The following MEGF11 variants were observed in gnomAD, a reference collection of about 807,000 sequenced individuals.
MEGF11 encodes multiple EGF like domains 11.
A neutral mutation model predicts 146.6 loss-of-function variants in MEGF11; 126 were observed. The observed-to-expected ratio is 0.86, with a 90% confidence interval of 0.74 to 1.00. The LOEUF (loss-of-function observed/expected upper bound fraction) is 1.00. Ranked by LOEUF, MEGF11 falls within the 50% of genes least tolerant of loss-of-function variation. The pLI is 0.00. For missense variants in MEGF11, 1,509 were observed against 1,521.2 expected (o/e 0.99, Z 0.13); for synonymous variants, 532 against 583.4 (o/e 0.91, Z 1.27).
chr15:66,088,379 G>A (rs1678826094), intron 5 of MEGF11, among the ~76,000 whole-genome samples: 1 of 152,254 alleles, frequency 6.6e-6, no homozygotes, highest in Non-Finnish European at 1.5e-5. Context: ...TGAGGGGGCT[G>A]GGCGCAATGG....
At chr15:65,983,081 C>T (rs1437908304) in intron 5 of MEGF11, among the ~76,000 whole-genome samples, 1 of 152,216 alleles carries the variant, frequency 6.6e-6, no homozygotes, top group Non-Finnish European at 1.5e-5. Context: ...TGCCCCTCCC[C>T]TGGCTCCATC....
chr15:66,252,574 A>G (rs2092390531), intron 1 of MEGF11, among the ~76,000 whole-genome samples: 1 of 152,116 alleles, frequency 6.6e-6, no homozygotes. Context: ...GTCCGGGAGA[A>G]GCCGCCCGGG....
At chr15:66,141,233 G>T (rs890809366) in intron 1 of MEGF11, among the ~76,000 whole-genome samples, 3 of 97,274 alleles carry the variant, frequency 3.1e-5, no homozygotes, top group African/African-American at 7.8e-5. Flanking sequence ...CAGACTCAGG[G>T]GTGTGTGTGT....
At position 66,036,199 on chromosome 15, in the gene MEGF11, G is replaced by A. The variant is rs115444580; in HGVS notation, c.395-53711C>T. ...TTCAGAGGCCATTTCTCAAGTCCACGCTGCATGATTCTTCGGAGGGACTCC... is the reference window on the plus strand; with the variant it reads ...TTCAGAGGCCATTTCTCAAGTCCACACTGCATGATTCTTCGGAGGGACTCC... On this transcript the variant is annotated intron_variant, in intron 5 of 25. Transcript: ENST00000395614. Among the ~76,000 whole-genome samples, 1,213 of 152,294 alleles carry A rather than the reference G, an allele frequency of 8.0e-3. 15 individuals carry two copies. Among genetic ancestry groups the A allele is most frequent in the African/African-American group, 0.028 (1,145 of 41,560 alleles).
intron 5 of MEGF11, among the ~76,000 whole-genome samples, chr15:66,000,552 G>T (rs1350332076): frequency 6.6e-6 from 1 of 151,008 alleles, no homozygotes; most frequent in Non-Finnish European, 1.5e-5. Context: ...AAAAGCAAAA[G>T]CACCAGCTTC....
rs372736228 is a variant in MEGF11, at chr15:65,924,336, C to T, written c.1676-1367G>A. Among the ~76,000 whole-genome samples the T allele has an allele frequency of 4.6e-5, 4 of 87,248 alleles. No individual in the cohort carries two copies. The East Asian group carries it at 1.1e-3, about 24-fold the overall frequency. 57.2% of individuals were successfully genotyped at this position (87,248 alleles called of 152,430 possible). On this transcript the variant is annotated intron_variant, in intron 13 of 25. Coordinates refer to ENST00000395614, the MANE Select transcript of MEGF11 (RefSeq NM_001385028.1). ...GGGTAGAGGCTTCAGATGCCACTCTCTGGGAAATGGTTGCGGGTGGGTAGG... is the reference window on the plus strand; with the variant it reads ...GGGTAGAGGCTTCAGATGCCACTCTTTGGGAAATGGTTGCGGGTGGGTAGG...
chr15:65,899,082 G>T, intron 24 of MEGF11, 148 bp from the exon 25 acceptor site: 1 of 717,038 alleles, frequency 1.4e-6, no homozygotes, highest in Non-Finnish European at 2.2e-6. Context: ...CTTATTAAAT[G>T]TGCTGAGAAG....
chr15:66,171,702 C>T (rs2090261318), intron 1 of MEGF11, among the ~76,000 whole-genome samples: 1 of 151,808 alleles, frequency 6.6e-6, no homozygotes, highest in Non-Finnish European at 1.5e-5. Context: ...CCACGCAACG[C>T]TCCCTCCTGT....
chr15:66,108,821 T>G (rs975109379), intron 4 of MEGF11, among the ~76,000 whole-genome samples: 3 of 152,162 alleles, frequency 2.0e-5, no homozygotes, highest in Admixed American at 6.5e-5. Context: ...AGGGGGCCAT[T>G]GGCAAGTTCC....
At chr15:66,138,044 G>A (rs1006365280) in intron 1 of MEGF11, among the ~76,000 whole-genome samples, 4 of 152,078 alleles carry the variant, frequency 2.6e-5, no homozygotes, top group African/African-American at 4.8e-5. Flanking sequence ...ACCTGCGTGA[G>A]ATGGCAAGAT....
chr15:66,133,839 G>A (rs1320946251), intron 1 of MEGF11, among the ~76,000 whole-genome samples: 1 of 152,172 alleles, frequency 6.6e-6, no homozygotes, highest in Non-Finnish European at 1.5e-5. Context: ...CTCCTAAAGA[G>A]TGATTCCCTG....
chr15:66,031,110 C>T (rs1226959443), intron 5 of MEGF11, among the ~76,000 whole-genome samples: 1 of 152,184 alleles, frequency 6.6e-6, no homozygotes, highest in Non-Finnish European at 1.5e-5. Flanking sequence ...TCTGAAGCAT[C>T]AGGACCAAAT....
chr15:65,988,304 G>T (rs76801106), intron 5 of MEGF11, among the ~76,000 whole-genome samples: 7,203 of 152,122 alleles, frequency 0.047, 277 homozygotes, highest in Non-Finnish European at 0.069. Context: ...CACTGCACCT[G>T]CCCTCTGTCT....
At chr15:65,969,781 C>A (rs1388806558) in intron 8 of MEGF11, among the ~76,000 whole-genome samples, 2 of 152,112 alleles carry the variant, frequency 1.3e-5, no homozygotes, top group African/African-American at 4.8e-5. Flanking sequence ...CCCCACAGAA[C>A]CAGGCATGGG....
At chr15:66,118,378 C>T (rs1161123672) in intron 4 of MEGF11, among the ~76,000 whole-genome samples, 1 of 152,222 alleles carries the variant, frequency 6.6e-6, no homozygotes, top group Non-Finnish European at 1.5e-5. Context: ...CACTGCACCA[C>T]ACTGCTCTTC....
Position 66,123,996 on chromosome 15 carries a change from C to T in MEGF11, c.103G>A (p.Ala35Thr). 1 of 1,613,328 alleles carries T rather than the reference C, an allele frequency of 6.2e-7. No homozygotes were observed. Among genetic ancestry groups the T allele is most frequent in the African/African-American group, 1.3e-5 (1 of 75,034 alleles). Residue 35 changes from alanine (A) to threonine (T), a missense_variant, in exon 3 of 26, where the codon GCT (alanine) becomes ACT (threonine). By Grantham distance (58) the Ala-to-Thr change is moderately conservative. Coordinates refer to ENST00000395614, the MANE Select transcript of MEGF11 (RefSeq NM_001385028.1). ...PNVCSHWESYAVTVQESYAHP... is the reference protein window; with the variant it reads ...PNVCSHWESYTVTVQESYAHP... ...GCATACGATTCCTGGACAGTCACAG[C>T]ATAGCTGAGAACCAGATGGGAGATA...
chr15:66,049,886 CCTCT>C (rs1314692551), intron 5 of MEGF11, among the ~76,000 whole-genome samples: 4 of 152,180 alleles, frequency 2.6e-5, no homozygotes, highest in African/African-American at 9.7e-5. Flanking sequence ...CCAGCCAGGG[CCTCT>C]CTGTCTCTGT....
rs143727753 is a variant in MEGF11 at position 66,064,425 on chromosome 15, A to C, written c.394+29977T>G. The stretch of plus-strand genomic sequence containing the variant: ...ACAACTTCAAATCCCATTAAATAAC[A>C]CATTTTCCCCAGGTAATACTCACTA... On this transcript the variant is annotated intron_variant, in intron 5 of 25. Transcript: ENST00000395614. 5.9e-5 allele frequency among the ~76,000 whole-genome samples: 9 copies of C among 152,280 alleles called. No individual in the cohort carries two copies. In the East Asian group the frequency reaches 1.7e-3, roughly 29 times the overall value.
intron 5 of MEGF11, among the ~76,000 whole-genome samples, chr15:65,988,019 T>C (rs1358372624): frequency 1.3e-5 from 2 of 149,198 alleles, no homozygotes; most frequent in Non-Finnish European, 3.0e-5. Context: ...TTTTTTTTTT[T>C]TTTTTTTTGA....
Sources: gnomAD v4.1 joint callset for allele counts (sites outside exome capture counted in the v4.1 genomes callset) on GRCh38, gnomAD v4.1.1 for gene constraint, MANE v1.5 for transcripts, NCBI Gene and HGNC (gene_info 2026-07-23, HGNC 2026-07-21) for gene names.